MAD1L1: variants seen among roughly 807,000 people sequenced by gnomAD.
The protein encoded by MAD1L1 is mitotic spindle assembly checkpoint protein MAD1.
In MAD1L1, 95 loss-of-function variants were observed where a neutral mutation model predicts 96.9. The observed-to-expected ratio is 0.98, with a 90% CI of 0.83 to 1.16. The LOEUF (loss-of-function observed/expected upper bound fraction) is 1.16. Among genes scored for constraint, MAD1L1 ranks in the 50% most tolerant of loss-of-function variants. The pLI is 0.00. For synonymous variants in MAD1L1, 473 were observed against 396.6 expected, an observed-to-expected ratio of 1.19 and a Z score of -2.29; for missense variants, 1,007 against 954.4, an observed-to-expected ratio of 1.06 and a Z score of -0.73.
At chr7:2,003,642 G>A (rs548431076) in intron 13 of MAD1L1, among the ~76,000 whole-genome samples, 4 of 152,234 alleles carry the variant, frequency 2.6e-5, no homozygotes, top group South Asian at 2.1e-4. Context: ...TGGGGCCACC[G>A]GAGGGACCCC....
At chr7:1,856,935 T>G (rs4073079) in intron 18 of MAD1L1, among the ~76,000 whole-genome samples, 11,440 of 152,146 alleles carry the variant, frequency 0.075, 1,025 homozygotes, top group African/African-American at 0.21. Flanking sequence ...GACCATGAGC[T>G]GCCACACAGC....
chr7:2,079,593 A>G (rs1403771742), intron 11 of MAD1L1: 2 of 469,820 alleles, frequency 4.3e-6, no homozygotes, highest in Non-Finnish European at 8.8e-6. Context: ...CACACGGCAA[A>G]TACTCTCATC....
At chr7:2,000,874 T>C (rs945679969) in intron 14 of MAD1L1, among the ~76,000 whole-genome samples, 19 of 152,140 alleles carry the variant, frequency 1.2e-4, no homozygotes, top group Admixed American at 1.2e-3. Flanking sequence ...TGCTGTTGCC[T>C]CTCTGCGCCG....
intron 18 of MAD1L1, among the ~76,000 whole-genome samples, chr7:1,860,195 G>A (rs1188655234): frequency 1.4e-5 from 2 of 144,660 alleles, no homozygotes; most frequent in East Asian, 4.2e-4. Flanking sequence ...TGTGTCCCTA[G>A]ACCTGACATC....
chr7:2,183,574 A>T (rs1289925132), intron 10 of MAD1L1, among the ~76,000 whole-genome samples: 1 of 152,200 alleles, frequency 6.6e-6, no homozygotes, highest in Non-Finnish European at 1.5e-5. Context: ...ATGCAGCCAT[A>T]AAAAATGATG....
At chr7:2,182,451 G>A (rs2128601885) in intron 10 of MAD1L1, among the ~76,000 whole-genome samples, 1 of 152,066 alleles carries the variant, frequency 6.6e-6, no homozygotes, top group Admixed American at 6.5e-5. Context: ...AAAAAAGAAA[G>A]AGCTACCATG....
At chr7:1,877,614 A>G (rs1562482355) in intron 18 of MAD1L1, among the ~76,000 whole-genome samples, 1 of 152,232 alleles carries the variant, frequency 6.6e-6, no homozygotes, top group Non-Finnish European at 1.5e-5. Context: ...AAAAAAAGCA[A>G]GATTCAATTA....
chr7:2,139,997 C>CCCAG (rs370641436), intron 11 of MAD1L1, among the ~76,000 whole-genome samples: 6 of 148,866 alleles, frequency 4.0e-5, no homozygotes, highest in Non-Finnish European at 8.9e-5. Flanking sequence ...CCCCGCCCCC[C>CCCAG]CCCAGTCCCT....
intron 18 of MAD1L1, among the ~76,000 whole-genome samples, chr7:1,844,995 C>G (rs930399857): frequency 6.6e-6 from 1 of 152,160 alleles, no homozygotes; most frequent in Non-Finnish European, 1.5e-5. Flanking sequence ...GGAGGAGGGG[C>G]CTGAGCCCGA....
At chr7:1,875,749 G>A (rs1785354725) in intron 18 of MAD1L1, among the ~76,000 whole-genome samples, 1 of 152,230 alleles carries the variant, frequency 6.6e-6, no homozygotes, top group Non-Finnish European at 1.5e-5. Flanking sequence ...ATGTAACCGA[G>A]CGGGGCTGTG....
rs1391694676 is a variant in MAD1L1 at position 2,114,258 on chromosome 7, G to T, written c.1073+34894C>A. On this transcript the variant is annotated intron_variant, in intron 11 of 18. Transcript: ENST00000265854. This position sits in a 1 kb window ranked among gnomAD's most constrained non-coding sequence, Gnocchi z 4.2. ...AGACAAAAGGGCAAATGGCCGGATGGTAATGACTCATCCCAAAGGCCATCT... is the reference window on the plus strand; with the variant it reads ...AGACAAAAGGGCAAATGGCCGGATGTTAATGACTCATCCCAAAGGCCATCT... Among the ~76,000 whole-genome samples the T allele has an allele frequency of 6.6e-6, 1 of 152,234 alleles. No individual in the cohort carries two copies. The highest frequency in any genetic ancestry group is 1.5e-5 in the Non-Finnish European group (1 of 68,036).
Position 1,926,241 on chromosome 7 carries a change from T to C in MAD1L1, c.1807+10446A>G, listed in dbSNP as rs561299295. 8.5e-5 allele frequency among the ~76,000 whole-genome samples: 13 copies of C among 152,318 alleles called. No homozygotes were observed. The South Asian group carries it at 2.7e-3, about 32-fold the overall frequency. On this transcript the variant is annotated intron_variant, in intron 17 of 18. Transcript: ENST00000265854. ...CAGCTGAGATGAAAGAACTCACTAT[T>C]CCTGTAATGATTAGAACCTGCCACA...
In MAD1L1 at chr7:1,824,691, A is replaced by T. The variant is rs566242705; in HGVS notation, c.1999-8463T>A. 5.3e-5 allele frequency among the ~76,000 whole-genome samples: 8 copies of T among 152,342 alleles called. No homozygotes were observed. The East Asian group carries it at 1.4e-3, about 26-fold the overall frequency. ...CTGGATGGCATCTGCCGGGGCAGCCATAGGTCCCTGTGAACCTCGCTTGTA... is the reference window on the plus strand; with the variant it reads ...CTGGATGGCATCTGCCGGGGCAGCCTTAGGTCCCTGTGAACCTCGCTTGTA... On this transcript the variant is annotated intron_variant, in intron 18 of 18. Transcript: ENST00000265854.
chr7:1,843,220 C>A (rs1783381161), intron 18 of MAD1L1, among the ~76,000 whole-genome samples: 1 of 152,222 alleles, frequency 6.6e-6, no homozygotes, highest in African/African-American at 2.4e-5. Flanking sequence ...TTGAACCCTG[C>A]AGAATGATGC....
At chr7:2,009,618 G>A (rs1445198004) in intron 13 of MAD1L1, among the ~76,000 whole-genome samples, 1 of 152,200 alleles carries the variant, frequency 6.6e-6, no homozygotes, top group Non-Finnish European at 1.5e-5. Context: ...GTGGAGGTCT[G>A]AGGATGACTG....
intron 17 of MAD1L1, among the ~76,000 whole-genome samples, chr7:1,926,792 T>C (rs181831817): frequency 1.3e-3 from 191 of 152,348 alleles, no homozygotes; most frequent in African/African-American, 4.1e-3. Flanking sequence ...TGGAGGAGGA[T>C]GGACTGCTCT....
At chr7:1,873,274 G>A (rs569280696) in intron 18 of MAD1L1, among the ~76,000 whole-genome samples, 2 of 152,366 alleles carry the variant, frequency 1.3e-5, no homozygotes, top group Admixed American at 6.5e-5. Context: ...CTCACGGGCT[G>A]GGGCGCGAGT....
At chr7:2,065,061 A>G (rs1028042671) in intron 12 of MAD1L1, among the ~76,000 whole-genome samples, 1 of 152,140 alleles carries the variant, frequency 6.6e-6, no homozygotes, top group African/African-American at 2.4e-5. Flanking sequence ...TCAGGAGGAC[A>G]GCAGATTCTC....
chr7:1,874,091 T>C (rs901492071), intron 18 of MAD1L1, among the ~76,000 whole-genome samples: 1 of 152,146 alleles, frequency 6.6e-6, no homozygotes, highest in Non-Finnish European at 1.5e-5. Flanking sequence ...CCACCGGGGA[T>C]CCCGGGACGG....
Sources: gnomAD v4.1 joint callset for allele counts (sites outside exome capture counted in the v4.1 genomes callset) on GRCh38, gnomAD v4.1.1 for gene constraint, Gnocchi (gnomAD v3.1) non-coding constraint, MANE v1.5 for transcripts, NCBI Gene and HGNC (gene_info 2026-07-23, HGNC 2026-07-21) for gene names.